PLEKHG2: variants seen among roughly 807,000 people sequenced by gnomAD.
PLEKHG2 encodes pleckstrin homology and RhoGEF domain containing G2.
A neutral mutation model predicts 104.4 loss-of-function variants in PLEKHG2; 71 were observed. That is an observed-to-expected ratio of 0.68 (90% CI 0.56 to 0.83). The LOEUF (loss-of-function observed/expected upper bound fraction) is 0.83. PLEKHG2 is among the 40% of genes least tolerant of loss of function. The pLI, the probability that PLEKHG2 is intolerant of heterozygous loss-of-function variation, is 0.00. For synonymous variants in PLEKHG2, 728 were observed against 737.0 expected (o/e 0.99, Z 0.20); for missense variants, 1,730 against 1,809.4 (o/e 0.96, Z 0.80).
intron 2 of PLEKHG2, among the ~76,000 whole-genome samples, chr19:39,414,494 A>T (rs978788182): frequency 6.6e-6 from 1 of 152,226 alleles, no homozygotes; most frequent in Non-Finnish European, 1.5e-5. Flanking sequence ...GACAAGGAAG[A>T]GTATTCTACA....
At position 39,415,239 on chromosome 19, in the gene PLEKHG2, G is replaced by T. The variant is rs1184401643; in HGVS notation, c.357G>T (p.Arg119Ser). The T allele has an allele frequency of 6.3e-7, 1 of 1,587,232 alleles. No homozygotes were observed. Among genetic ancestry groups the T allele is most frequent in the Non-Finnish European group, 8.6e-7 (1 of 1,166,156 alleles). ...TGGAGACAGAACGGGCCTATGTCAG[G>T]GACCTCCGCAGCATCGTGGAGGTAA... is the stretch of plus-strand genomic sequence containing the variant. ...EIVETERAYV[R>S]DLRSIVEDYL... Residue 119 changes from arginine (R) to serine (S), a missense_variant, in exon 3 of 19, where the codon AGG becomes AGT. By Grantham distance (110) the Arg-to-Ser change is moderately radical. Coordinates refer to ENST00000425673, the MANE Select transcript of PLEKHG2 (RefSeq NM_022835.3). This position sits in a 1 kb window ranked among gnomAD's most constrained non-coding sequence, Gnocchi z 4.6.
chr19:39,418,751 G>T lies in PLEKHG2; in HGVS notation c.1101G>T (p.Val367=). ...CCTTCCAGTGCTGCAACCTGAGCGT[G>T]AGCGAGAGTCCCCGAGACCCTCTAG... ...KGHIFCCNLS[V]SESPRDPLGF... is the part of the protein sequence containing the mutation. Residue 367 remains valine, a synonymous_variant, in exon 10 of 19, where the codon GTG becomes GTT. Transcript: ENST00000425673. 6.2e-7 allele frequency: 1 copy of T among 1,613,026 alleles called. No homozygotes were observed.
rs1401375401 is a variant in PLEKHG2 at position 39,423,417 on chromosome 19, T to C, written c.2363T>C (p.Leu788Pro). The change falls in exon 18 of 19, where the codon CTG becomes CCG. Residue 788 changes from leucine to proline, a missense_variant. Physicochemically the swap from Leu to Pro is moderately conservative, Grantham distance 98. Transcript: ENST00000425673. ...QLARPGFPEPLLILEDSDLGG... is the reference protein window; with the variant it reads ...QLARPGFPEPPLILEDSDLGG... ...GCCCGGCCAGGCTTCCCAGAGCCAC[T>C]GCTGATCCTGGAGGATTCGGATCTG... is the stretch of plus-strand genomic sequence containing the variant. 6 of 1,610,844 alleles carry C rather than the reference T, an allele frequency of 3.7e-6. No individual in the cohort carries two copies. Among genetic ancestry groups the C allele is most frequent in the Non-Finnish European group, 5.1e-6 (6 of 1,178,470 alleles).
Position 39,417,009 on chromosome 19 carries a change from G to T in PLEKHG2, c.744+9G>T. ...ACCATCTGCTGCTGCAGGTCAGCTGGGGCCCCTGGAGCCAGGCTGGGGAGG... is the reference window on the plus strand; with the variant it reads ...ACCATCTGCTGCTGCAGGTCAGCTGTGGCCCCTGGAGCCAGGCTGGGGAGG... On this transcript the variant is annotated intron_variant, in intron 7 of 18. Coordinates refer to ENST00000425673, the MANE Select transcript of PLEKHG2 (RefSeq NM_022835.3). The T allele has an allele frequency of 6.3e-7, 1 of 1,593,360 alleles. No homozygotes were observed. The highest frequency in any genetic ancestry group is 8.6e-7 in the Non-Finnish European group (1 of 1,167,110).
In PLEKHG2 at chr19:39,420,856, A is replaced by G. The variant is rs201350434; in HGVS notation, c.1399+4A>G. On this transcript the variant is annotated splice_donor_region_variant and intron_variant, in intron 13 of 18. Transcript: ENST00000425673. ...ACCCCTGGGCGAAGGAACACAGGTA[A>G]AGGCGGTGGATCCCTGAGTCCCAGC... The G allele has an allele frequency of 1.9e-6, 3 of 1,614,136 alleles. No homozygotes were observed. The Admixed American group carries it at 5.0e-5, about 27-fold the overall frequency.
Position 39,425,234 on chromosome 19 carries a change from A to G in PLEKHG2, c.4101A>G (p.Thr1367=). 1 of 1,613,444 alleles carries G rather than the reference A, an allele frequency of 6.2e-7. No individual in the cohort carries two copies. The highest frequency in any genetic ancestry group is 8.5e-7 in the Non-Finnish European group (1 of 1,179,968). Residue 1367 remains threonine (T), a synonymous_variant, in exon 19 of 19, where the codon ACA becomes ACG. Coordinates refer to ENST00000425673, the MANE Select transcript of PLEKHG2 (RefSeq NM_022835.3). ...RLNHPALLAS[T]QESMGLHRAQ... ...ACCACCCTGCTCTCTTGGCCTCCAC[A>G]CAGGAATCTATGGGCCTTCACAGGG...
rs769209826 is a variant in PLEKHG2 at position 39,416,821 on chromosome 19, A to G, written c.594-29A>G. The G allele has an allele frequency of 3.2e-6, 5 of 1,566,314 alleles. No individual in the cohort carries two copies. The Admixed American group carries it at 5.5e-5, about 17-fold the overall frequency. ...TTGACCCCGCCCACTGGAACTGACA[A>G]TCCCCACTGACCTGTGCTGTGCCCC... On this transcript the variant is annotated intron_variant, in intron 6 of 18. Coordinates refer to ENST00000425673, the MANE Select transcript of PLEKHG2 (RefSeq NM_022835.3). This position sits in a 1 kb window ranked among gnomAD's most constrained non-coding sequence, Gnocchi z 4.5.
At chr19:39,422,365 C>G in intron 17 of PLEKHG2, 77 bp downstream of exon 17, 1 of 1,438,378 alleles carries the variant, frequency 7.0e-7, no homozygotes, top group South Asian at 1.3e-5. Flanking sequence ...ATAGGCCAGC[C>G]CATGCTGATA....
chr19:39,417,423 G>T (rs998843227), intron 7 of PLEKHG2, 132 bp from the exon 8 acceptor site: 11 of 1,210,834 alleles, frequency 9.1e-6, no homozygotes, highest in Non-Finnish European at 1.2e-5. Context: ...AAAGTGCTGG[G>T]ATTACAGACA....
rs1309431569 is a variant in PLEKHG2, at chr19:39,425,341, A to G, written c.*47A>G. 6.4e-7 allele frequency: 1 copy of G among 1,567,482 alleles called. No individual in the cohort carries two copies. Among genetic ancestry groups the G allele is most frequent in the Non-Finnish European group, 8.6e-7 (1 of 1,160,316 alleles). On this transcript the variant is annotated 3_prime_UTR_variant, in exon 19 of 19. Coordinates refer to ENST00000425673, the MANE Select transcript of PLEKHG2 (RefSeq NM_022835.3). ...GAAGCAAGGATTTCAGCCAGATGCCATAGACCCTCAGAACTTGACCTGGAA... is the reference window on the plus strand; with the variant it reads ...GAAGCAAGGATTTCAGCCAGATGCCGTAGACCCTCAGAACTTGACCTGGAA...
At position 39,424,520 on chromosome 19, in the gene PLEKHG2, G is replaced by A; in HGVS notation, c.3387G>A (p.Leu1129=). Residue 1129 remains leucine, a synonymous_variant, in exon 19 of 19, where the codon CTG becomes CTA. Coordinates refer to ENST00000425673, the MANE Select transcript of PLEKHG2 (RefSeq NM_022835.3). ...LDHRIPANAP[L]SLSQELPDTQ... ...ATCGGATCCCAGCCAACGCCCCACT[G>A]TCTTTGTCCCAGGAGCTCCCAGACA... The A allele has an allele frequency of 1.9e-6, 3 of 1,614,068 alleles. No individual in the cohort carries two copies. Among genetic ancestry groups the A allele is most frequent in the Non-Finnish European group, 2.5e-6 (3 of 1,180,010 alleles).
In PLEKHG2 at chr19:39,425,417, G is replaced by A; in HGVS notation, c.*123G>A. 7.0e-7 allele frequency: 1 copy of A among 1,424,344 alleles called. No individual in the cohort carries two copies. Among genetic ancestry groups the A allele is most frequent in the Non-Finnish European group, 9.2e-7 (1 of 1,084,030 alleles). The allele number at this position is 1,424,344 out of a possible 1,614,324, so 88.2% of individuals were successfully genotyped here. ...AAACTGCTGCGGCCTTCCAACTCCTGGTATCTGCATCGGCGAATGGCCCTT... is the reference window on the plus strand; with the variant it reads ...AAACTGCTGCGGCCTTCCAACTCCTAGTATCTGCATCGGCGAATGGCCCTT... On this transcript the variant is annotated 3_prime_UTR_variant, in exon 19 of 19. Coordinates refer to ENST00000425673, the MANE Select transcript of PLEKHG2 (RefSeq NM_022835.3).
rs370716794 is a variant in PLEKHG2 at position 39,423,533 on chromosome 19, C to T, written c.2479C>T (p.Arg827Trp). The T allele has an allele frequency of 1.2e-5, 18 of 1,557,928 alleles. No homozygotes were observed. The highest frequency in any genetic ancestry group is 4.1e-5 in the African/African-American group (3 of 73,308). Reference protein sequence around the residue: ...VRELARLYSERIQQMQRAETR... With the variant: ...VRELARLYSEWIQQMQRAETR... ...AGAGCTGGCCCGGCTTTACAGCGAG[C>T]GGATCCAGCAGATGCAGCGGGCGGA... is the stretch of plus-strand genomic sequence containing the variant. Residue 827 changes from arginine (R) to tryptophan (W), a missense_variant, in exon 18 of 19, where the codon CGG (arginine) becomes TGG (tryptophan). By Grantham distance (101) the Arg-to-Trp change is moderately radical (BLOSUM62 -3). Transcript: ENST00000425673.
intron 7 of PLEKHG2, 28 bp from the exon 8 acceptor site, chr19:39,417,527 C>G (rs757581848): frequency 9.9e-6 from 16 of 1,610,246 alleles, no homozygotes; most frequent in Admixed American, 1.7e-5. Context: ...CTCTCCCCAT[C>G]CCTGCGTGCC....
rs776596547 is a variant in PLEKHG2, at chr19:39,424,982, C to T, written c.3849C>T (p.Ala1283=). The T allele has an allele frequency of 1.2e-6, 2 of 1,613,706 alleles. No homozygotes were observed. The highest frequency in any genetic ancestry group is 3.3e-5 in the Admixed American group (2 of 59,944). ...NAAALSRYLA[A]SYISQSLARR... ...CTGCCCTCTCCAGATACCTGGCAGC[C>T]TCATATATCAGCCAGAGCCTGGCTC... The change falls in exon 19 of 19, where the codon GCC becomes GCT. Residue 1283 remains alanine, a synonymous_variant. Transcript: ENST00000425673.
At position 39,416,334 on chromosome 19, in the gene PLEKHG2, C is replaced by A; in HGVS notation, c.480-14C>A. 4.3e-6 allele frequency: 7 copies of A among 1,612,274 alleles called. No individual in the cohort carries two copies. The highest frequency in any genetic ancestry group is 5.9e-6 in the Non-Finnish European group (7 of 1,179,546). ...GAAGGCAGGCGGTTCCTCACCCTCC[C>A]CTCTCCCCTGTAGCGAGCTCCTGGA... On this transcript the variant is annotated splice_polypyrimidine_tract_variant and intron_variant, in intron 4 of 18. Coordinates refer to ENST00000425673, the MANE Select transcript of PLEKHG2 (RefSeq NM_022835.3). This position sits in a 1 kb window ranked among gnomAD's most constrained non-coding sequence, Gnocchi z 4.5.
At position 39,425,457 on chromosome 19, in the gene PLEKHG2, C is replaced by A; in HGVS notation, c.*163C>A. On this transcript the variant is annotated 3_prime_UTR_variant, in exon 19 of 19. Coordinates refer to ENST00000425673, the MANE Select transcript of PLEKHG2 (RefSeq NM_022835.3). The stretch of plus-strand genomic sequence containing the variant: ...GAATGGCCCTTCTTGCCTTGATCCA[C>A]AGGGATGGGGAAGGGAGGAATGTCA... The A allele has an allele frequency of 2.7e-6, 3 of 1,128,636 alleles. No individual in the cohort carries two copies. Among genetic ancestry groups the A allele is most frequent in the Non-Finnish European group, 2.3e-6 (2 of 857,672 alleles). 69.9% of individuals were successfully genotyped at this position (1,128,636 alleles called of 1,614,324 possible).
rs746836546 is a variant in PLEKHG2 at position 39,417,899 on chromosome 19, C to T, written c.883-6C>T. On this transcript the variant is annotated splice_region_variant and splice_polypyrimidine_tract_variant and intron_variant, in intron 8 of 18. Transcript: ENST00000425673. ...CGCCCCGGCGCACCTGGCGGGGTCC[C>T]GGCAGGAAGTGCAGCGGCGGCTGGG... The T allele has an allele frequency of 6.0e-5, 92 of 1,537,336 alleles. No individual in the cohort carries two copies. The highest frequency in any genetic ancestry group is 3.2e-4 in the South Asian group (27 of 83,254).
rs2078762630 is a variant in PLEKHG2 at position 39,425,039 on chromosome 19, A to G, written c.3906A>G (p.Ala1302=). ...RRQGPGGGAP[A]ASRGSWSSAP... Reference sequence around the variant, plus strand: ...AGGGGCCTGGGGGAGGGGCCCCCGCAGCCTCCCGGGGCTCCTGGTCCTCTG... The same window carrying G: ...AGGGGCCTGGGGGAGGGGCCCCCGCGGCCTCCCGGGGCTCCTGGTCCTCTG... Residue 1302 remains alanine, a synonymous_variant, in exon 19 of 19, where the codon GCA becomes GCG. Transcript: ENST00000425673. 6.3e-7 allele frequency: 1 copy of G among 1,598,572 alleles called. No homozygotes were observed. The highest frequency in any genetic ancestry group is 2.2e-5 in the East Asian group (1 of 44,712).
Sources: allele counts gnomAD v4.1 joint callset (sites outside exome capture counted in the v4.1 genomes callset), GRCh38; gene constraint gnomAD v4.1.1; non-coding constraint Gnocchi (gnomAD v3.1); transcripts MANE v1.5; gene names NCBI Gene and HGNC (gene_info 2026-07-23, HGNC 2026-07-21).